The following CFAP70 variants were observed in gnomAD, a reference collection of about 807,000 sequenced individuals.
CFAP70 encodes cilia and flagella associated protein 70.
Under a neutral mutation model 137.6 loss-of-function variants are expected in CFAP70, and 81 were observed. That is an observed-to-expected ratio of 0.59 (90% CI 0.49 to 0.71). CFAP70 has a LOEUF of 0.71. Ranked by LOEUF, CFAP70 falls within the 30% of genes least tolerant of loss-of-function variation. The pLI, the probability that CFAP70 is intolerant of heterozygous loss-of-function variation, is 0.00. For synonymous variants in CFAP70, 382 were observed against 423.6 expected (o/e 0.90, Z 1.20); for missense variants, 976 against 1,226.7 (o/e 0.80, Z 3.05).
chr10:73,297,204 A>G, intron 14 of CFAP70, 31 bp from the exon 16 acceptor site: 1 of 1,603,928 alleles, frequency 6.2e-7, no homozygotes, highest in Non-Finnish European at 8.5e-7. Context: ...CCATCTGATA[A>G]TACAGTCCAG....
At chr10:73,329,531 CAG>C (rs2132285055) in intron 8 of CFAP70, among the ~76,000 whole-genome samples, 1 of 151,934 alleles carries the variant, frequency 6.6e-6, no homozygotes. Flanking sequence ...AACAAAAAAA[CAG>C]TGTTAATAGT....
chr10:73,345,744 C>T (rs1457881167), intron 4 of CFAP70, among the ~76,000 whole-genome samples: 1 of 151,852 alleles, frequency 6.6e-6, no homozygotes, highest in Admixed American at 6.6e-5. Flanking sequence ...AGGCAGTGAG[C>T]TGAGATTGTG....
At chr10:73,253,782 T>C (rs2044190393), downstream of CFAP70, 1 of 473,472 alleles carries the variant, frequency 2.1e-6, no homozygotes. Context: ...CATATCTCCA[T>C]TTTTTTATTG....
At chr10:73,291,605 G>A in intron 18 of CFAP70, 35 bp downstream of exon 19, 1 of 1,570,974 alleles carries the variant, frequency 6.4e-7, no homozygotes, top group Non-Finnish European at 8.7e-7. Flanking sequence ...TTATAATGGG[G>A]AGAAAACACA....
exon 14 of CFAP70, chr10:73,298,910 G>C: frequency 6.2e-7 from 1 of 1,613,738 alleles, no homozygotes; most frequent in Non-Finnish European, 8.5e-7. Flanking sequence ...GTTTTACCTT[G>C]AGTTGTTCTT....
At chr10:73,362,294 C>T (rs551106018), upstream of CFAP70, among the ~76,000 whole-genome samples, 1 of 152,226 alleles carries the variant, frequency 6.6e-6, no homozygotes, top group African/African-American at 2.4e-5. Context: ...AGAACTAAAA[C>T]TATAAATTTG....
chr10:73,290,514 A>T (rs1014706645), intron 19 of CFAP70, among the ~76,000 whole-genome samples: 1 of 152,226 alleles, frequency 6.6e-6, no homozygotes, highest in African/African-American at 2.4e-5. Flanking sequence ...GTCAAAATTT[A>T]TCAAATTGTA....
intron 14 of CFAP70, among the ~76,000 whole-genome samples, chr10:73,297,919 T>C (rs1207357970): frequency 6.6e-6 from 1 of 152,330 alleles, no homozygotes; most frequent in East Asian, 1.9e-4. Flanking sequence ...AACTAGTAAA[T>C]GTGGAACCAA....
chr10:73,355,893 C>A (rs1007476313), intron 1 of CFAP70, among the ~76,000 whole-genome samples: 2 of 152,182 alleles, frequency 1.3e-5, no homozygotes, highest in Non-Finnish European at 2.9e-5. Context: ...AATTGTCTTC[C>A]ACGAAACTGG....
intron 3 of CFAP70, among the ~76,000 whole-genome samples, chr10:73,350,448 C>A (rs549705879): frequency 1.3e-3 from 196 of 152,168 alleles, no homozygotes; most frequent in Non-Finnish European, 1.7e-3. Flanking sequence ...GTTTCTTTTC[C>A]ATGAACTTTT....
intron 7 of CFAP70, 46 bp from the exon 9 acceptor site, chr10:73,331,322 G>A: frequency 6.7e-7 from 1 of 1,481,780 alleles, no homozygotes. Flanking sequence ...CAAAAATAAA[G>A]TCAGTATAAT....
At chr10:73,269,810 T>C in intron 24 of CFAP70, 95 bp from the exon 26 acceptor site, 1 of 635,988 alleles carries the variant, frequency 1.6e-6, no homozygotes, top group South Asian at 2.1e-5. Context: ...GGTTTTCAAC[T>C]TTTTAATATT....
chr10:73,331,078 A>C (rs1429724506), intron 8 of CFAP70, 99 bp downstream of exon 9: 6 of 774,410 alleles, frequency 7.7e-6, no homozygotes, highest in African/African-American at 1.8e-5. Context: ...GAGAACAGCT[A>C]TGTTCACATT....
chr10:73,258,763 G>GTC (rs947731160), intron 25 of CFAP70, among the ~76,000 whole-genome samples: 6 of 152,158 alleles, frequency 3.9e-5, no homozygotes, highest in Admixed American at 1.3e-4. Context: ...CTCTGGGAGT[G>GTC]TCTCTCTCTT....
At chr10:73,339,530 C>T (rs968869723) in intron 6 of CFAP70, among the ~76,000 whole-genome samples, 3 of 152,186 alleles carry the variant, frequency 2.0e-5, no homozygotes, top group African/African-American at 4.8e-5. Flanking sequence ...CTTGGCCTGG[C>T]AGGCTATGCT....
In CFAP70 at chr10:73,275,295, A is replaced by C; in HGVS notation, c.2673+151T>G. ...CGCCCAGCCAACTCATGATTACTTA[A>C]GAAAAGCAAATGGAAGGGTATAGAG... On this transcript the variant is annotated intron_variant, in intron 22 of 26. Transcript: ENST00000310715. This position sits in a 1 kb window ranked among gnomAD's most constrained non-coding sequence, Gnocchi z 4.0. 1.2e-6 allele frequency: 1 copy of C among 833,536 alleles called. No individual in the cohort carries two copies. The highest frequency in any genetic ancestry group is 1.7e-6 in the Non-Finnish European group (1 of 590,666). The allele number at this position is 833,536 out of a possible 1,614,324, so 51.6% of individuals were successfully genotyped here.
chr10:73,271,886 G>A (rs1257854215), intron 24 of CFAP70, among the ~76,000 whole-genome samples: 1 of 152,092 alleles, frequency 6.6e-6, no homozygotes, highest in African/African-American at 2.4e-5. Context: ...TTTTTGTAGA[G>A]ATGGGGGTCT....
chr10:73,304,859 AC>A (rs113000331), intron 12 of CFAP70, among the ~76,000 whole-genome samples: 15,762 of 151,410 alleles, frequency 0.1, 1,161 homozygotes, highest in East Asian at 0.3. Flanking sequence ...AAAAAAAAAA[AC>A]ACACACACCA....
At chr10:73,269,688 C>A in exon 25 of CFAP70, 3 of 1,613,316 alleles carry the variant, frequency 1.9e-6, no homozygotes, top group Non-Finnish European at 2.5e-6. Context: ...TCAGAAAGAG[C>A]ATCCTCAGCC....
Sources: allele counts gnomAD v4.1 joint callset (sites outside exome capture counted in the v4.1 genomes callset), GRCh38; gene constraint gnomAD v4.1.1; non-coding constraint Gnocchi (gnomAD v3.1); transcripts MANE v1.5; gene names NCBI Gene and HGNC (gene_info 2026-07-23, HGNC 2026-07-21).